The following LRRTM4 variants were observed in gnomAD, a reference collection of about 807,000 sequenced individuals.
The protein encoded by LRRTM4 is leucine rich repeat transmembrane neuronal 4, also known as leucine-rich repeat transmembrane neuronal protein 4.
A neutral mutation model predicts 47.6 loss-of-function variants in LRRTM4; 25 were observed. The observed-to-expected ratio is 0.53, with a 90% confidence interval of 0.38 to 0.73. The LOEUF is 0.73. Ranked by LOEUF, LRRTM4 falls within the 30% of genes least tolerant of loss-of-function variation. The probability of loss-of-function intolerance (pLI) is 0.00; values close to 1 mark genes in which losing one functional copy is unlikely to be tolerated. For synonymous variants in LRRTM4, 311 were observed against 269.5 expected, an observed-to-expected ratio of 1.15 and a Z score of -1.51; for missense variants, 638 against 713.4, an observed-to-expected ratio of 0.89 and a Z score of 1.20.
At chr2:76,836,974 C>G (rs549896818) in intron 3 of LRRTM4, among the ~76,000 whole-genome samples, 3 of 152,046 alleles carry the variant, frequency 2.0e-5, no homozygotes, top group Non-Finnish European at 4.4e-5. Context: ...CTGAAATCCT[C>G]ATGTTGTAAG....
chr2:77,413,549 CTGG>C (rs1674521563), intron 3 of LRRTM4, among the ~76,000 whole-genome samples: 1 of 152,214 alleles, frequency 6.6e-6, no homozygotes, highest in Non-Finnish European at 1.5e-5. Context: ...GACAGTCCAT[CTGG>C]CTTAAGCCAA....
At chr2:77,005,240 G>GT (rs1342370664) in intron 3 of LRRTM4, among the ~76,000 whole-genome samples, 1 of 152,104 alleles carries the variant, frequency 6.6e-6, no homozygotes, top group African/African-American at 2.4e-5. Context: ...TGCTGCCCTG[G>GT]TTCAAGGGAT....
At chr2:76,842,732 T>G (rs1671720291) in intron 3 of LRRTM4, among the ~76,000 whole-genome samples, 1 of 126,396 alleles carries the variant, frequency 7.9e-6, no homozygotes, top group Non-Finnish European at 1.6e-5. Flanking sequence ...TTTTTTTTTG[T>G]TTGTTTGTCT....
chr2:77,335,689 A>C (rs1234119763), intron 3 of LRRTM4, among the ~76,000 whole-genome samples: 1 of 152,182 alleles, frequency 6.6e-6, no homozygotes, highest in East Asian at 1.9e-4. Context: ...AGCTTAAACC[A>C]CATGGGGGCA....
intron 3 of LRRTM4, among the ~76,000 whole-genome samples, chr2:77,112,980 T>C (rs954729940): frequency 2.6e-5 from 4 of 152,152 alleles, no homozygotes; most frequent in Non-Finnish European, 5.9e-5. Context: ...AACCCCGTCT[T>C]GTAATTTAGC....
At chr2:76,920,400 T>C (rs943543345) in intron 3 of LRRTM4, among the ~76,000 whole-genome samples, 1 of 152,146 alleles carries the variant, frequency 6.6e-6, no homozygotes, top group South Asian at 2.1e-4. Context: ...TTTTATAATC[T>C]CCAGGCTTGA....
At chr2:76,996,194 G>A (rs1293164600) in intron 3 of LRRTM4, among the ~76,000 whole-genome samples, 2 of 151,958 alleles carry the variant, frequency 1.3e-5, no homozygotes, top group Non-Finnish European at 2.9e-5. Context: ...ATATTTTAGA[G>A]GGGCCATAGA....
chr2:77,215,694 C>T (rs993263035), intron 3 of LRRTM4, among the ~76,000 whole-genome samples: 1 of 152,058 alleles, frequency 6.6e-6, no homozygotes, highest in Non-Finnish European at 1.5e-5. Context: ...ATAGTAGGGA[C>T]GTGCTTCAGA....
intron 3 of LRRTM4, among the ~76,000 whole-genome samples, chr2:77,383,451 A>G (rs1244643547): frequency 2.0e-5 from 3 of 151,844 alleles, no homozygotes; most frequent in African/African-American, 7.3e-5. Context: ...CTTCTCCTCT[A>G]TTCTGAAAAT....
chr2:77,227,170 G>C (rs1674838275), intron 3 of LRRTM4, among the ~76,000 whole-genome samples: 1 of 151,940 alleles, frequency 6.6e-6, no homozygotes. Context: ...AGTTTTATAA[G>C]TGTTAGCAGC....
chr2:76,749,396 A>G (rs1367023885), intron 3 of LRRTM4, among the ~76,000 whole-genome samples: 1 of 152,118 alleles, frequency 6.6e-6, no homozygotes, highest in East Asian at 1.9e-4. Context: ...ATTTATATAT[A>G]TAAACATATA....
chr2:76,926,012 C>A (rs952827695), intron 3 of LRRTM4, among the ~76,000 whole-genome samples: 5 of 152,090 alleles, frequency 3.3e-5, no homozygotes, highest in African/African-American at 1.2e-4. Context: ...TTGTTACAAG[C>A]CTTTTCTTTC....
intron 3 of LRRTM4, among the ~76,000 whole-genome samples, chr2:76,901,950 A>C (rs1673651803): frequency 6.6e-6 from 1 of 152,170 alleles, no homozygotes. Context: ...TCTGTGGGCT[A>C]AGTGTTCACA....
chr2:76,798,582 G>A (rs1443819201), intron 3 of LRRTM4, among the ~76,000 whole-genome samples: 1 of 150,352 alleles, frequency 6.7e-6, no homozygotes, highest in African/African-American at 2.5e-5. Context: ...CTAGCAGAAG[G>A]CAAGAAATAA....
chr2:76,952,593 A>G (rs1167566148), intron 3 of LRRTM4, among the ~76,000 whole-genome samples: 1 of 152,002 alleles, frequency 6.6e-6, no homozygotes, highest in Non-Finnish European at 1.5e-5. Flanking sequence ...TGTTTGTGGA[A>G]ATGTAAATTA....
intron 3 of LRRTM4, among the ~76,000 whole-genome samples, chr2:77,154,776 TC>T (rs1228777345): frequency 6.6e-6 from 1 of 152,150 alleles, no homozygotes; most frequent in Non-Finnish European, 1.5e-5. Context: ...TTGATGGGTC[TC>T]TGTACAGTTA....
intron 3 of LRRTM4, among the ~76,000 whole-genome samples, chr2:77,050,346 G>T (rs916158439): frequency 1.3e-5 from 2 of 151,962 alleles, no homozygotes. Context: ...CTCTACTCGA[G>T]GCCTAATGCC....
chr2:77,199,205 T>G (rs6735357), intron 3 of LRRTM4, among the ~76,000 whole-genome samples: 9,540 of 152,178 alleles, frequency 0.063, 752 homozygotes, highest in African/African-American at 0.19. Flanking sequence ...TTAATAACAG[T>G]ATTTAAAAAA....
At chr2:77,207,449 A>G (rs1674167093) in intron 3 of LRRTM4, among the ~76,000 whole-genome samples, 1 of 150,850 alleles carries the variant, frequency 6.6e-6, no homozygotes, top group Non-Finnish European at 1.5e-5. Context: ...ACTCTGGGAC[A>G]CACTTAGACA....
Sources: allele counts gnomAD v4.1 joint callset (sites outside exome capture counted in the v4.1 genomes callset), GRCh38; gene constraint gnomAD v4.1.1; transcripts MANE v1.5; gene names NCBI Gene and HGNC (gene_info 2026-07-23, HGNC 2026-07-21).